The following ADCY2 variants were observed in gnomAD, a reference collection of about 807,000 sequenced individuals.
The protein encoded by ADCY2 is adenylate cyclase type 2.
A neutral mutation model predicts 125.2 loss-of-function variants in ADCY2; 31 were observed. The observed-to-expected ratio is 0.25, with a 90% CI of 0.19 to 0.33. The LOEUF (loss-of-function observed/expected upper bound fraction) is 0.33. Among genes scored for constraint, ADCY2 ranks in the 10% least tolerant of loss-of-function variants. The probability of loss-of-function intolerance (pLI) is 1.00; values close to 1 mark genes in which losing one functional copy is unlikely to be tolerated. For synonymous variants in ADCY2, 512 were observed against 548.4 expected (o/e 0.93, Z 0.93); for missense variants, 904 against 1,418.2 (o/e 0.64, Z 5.82).
At position 7,809,143 on chromosome 5, in the gene ADCY2, T is replaced by A. The variant is rs903797014; in HGVS notation, c.2883+4451T>A. 5.9e-5 allele frequency among the ~76,000 whole-genome samples: 9 copies of A among 152,250 alleles called. 1 individual carries two copies. The South Asian group carries it at 1.9e-3, about 31-fold the overall frequency. On this transcript the variant is annotated intron_variant, in intron 22 of 24. Coordinates refer to ENST00000338316, the MANE Select transcript of ADCY2 (RefSeq NM_020546.3). ...AACAGTAATAATAATATAGTTGTGG[T>A]TTGTACCGTGTTTTGCATATTGGTA...
At chr5:7,703,507 T>C (rs1376403037) in intron 7 of ADCY2, among the ~76,000 whole-genome samples, 3 of 152,188 alleles carry the variant, frequency 2.0e-5, no homozygotes, top group Non-Finnish European at 2.9e-5. Flanking sequence ...CTTGTTTTTG[T>C]CAGGTTTGTC....
chr5:7,396,586 T>C lies in ADCY2; in HGVS notation c.210+80T>C. 2 of 1,264,202 alleles carry C rather than the reference T, an allele frequency of 1.6e-6. No individual in the cohort carries two copies. Among genetic ancestry groups the C allele is most frequent in the Non-Finnish European group, 2.1e-6 (2 of 971,212 alleles). The allele number at this position is 1,264,202 out of a possible 1,614,324, so 78.3% of individuals were successfully genotyped here. On this transcript the variant is annotated intron_variant, in intron 1 of 24. Coordinates refer to ENST00000338316, the MANE Select transcript of ADCY2 (RefSeq NM_020546.3). The surrounding 1 kb of genome is among the most constrained non-coding windows in gnomAD (Gnocchi z 5.7). ...CCCGGCCAGCCGAGCCGCGTCCCGC[T>C]CCGGGCTGCCCCTCGGCCCGCGGCA...
intron 3 of ADCY2, among the ~76,000 whole-genome samples, chr5:7,563,366 G>GCTGATCATA (rs1372408787): frequency 6.6e-6 from 1 of 152,192 alleles, no homozygotes; most frequent in Non-Finnish European, 1.5e-5. Flanking sequence ...AAAGAAAGCT[G>GCTGATCATA]CTGATCATAC....
intron 2 of ADCY2, among the ~76,000 whole-genome samples, chr5:7,455,807 ATAAT>A (rs1741649275): frequency 6.2e-5 from 9 of 145,434 alleles, no homozygotes; most frequent in African/African-American, 2.2e-4. Context: ...TCTTATTATT[ATAAT>A]ATATTTAATT....
At chr5:7,631,400 C>T (rs1738305340) in intron 4 of ADCY2, among the ~76,000 whole-genome samples, 1 of 152,122 alleles carries the variant, frequency 6.6e-6, no homozygotes, top group South Asian at 2.1e-4. Flanking sequence ...CCATTTAAAC[C>T]GAATAAAGAA....
intron 4 of ADCY2, among the ~76,000 whole-genome samples, chr5:7,646,105 G>GA (rs1271063278): frequency 8.6e-5 from 13 of 151,736 alleles, no homozygotes; most frequent in Non-Finnish European, 2.9e-5. Context: ...AAACAAAAGA[G>GA]AAAAAATGTT....
chr5:7,544,877 C>T (rs554195616), intron 3 of ADCY2, among the ~76,000 whole-genome samples: 2 of 152,292 alleles, frequency 1.3e-5, no homozygotes, highest in East Asian at 1.9e-4. Context: ...ACCTGGCTGT[C>T]CCCACCCGAC....
At chr5:7,584,877 G>A (rs1388269259) in intron 3 of ADCY2, among the ~76,000 whole-genome samples, 1 of 152,098 alleles carries the variant, frequency 6.6e-6, no homozygotes. Context: ...CTCTCTAAAA[G>A]TCTCTACACA....
chr5:7,758,887 A>G (rs1250201514), intron 16 of ADCY2, among the ~76,000 whole-genome samples: 2 of 152,204 alleles, frequency 1.3e-5, no homozygotes, highest in Non-Finnish European at 2.9e-5. Flanking sequence ...CGAAGTAGAG[A>G]AAAACAAGGC....
chr5:7,770,204 T>A (rs1743513290), intron 17 of ADCY2, among the ~76,000 whole-genome samples: 1 of 152,310 alleles, frequency 6.6e-6, no homozygotes, highest in Admixed American at 6.5e-5. Flanking sequence ...AAAATAAAAA[T>A]TTTAAAGCCT....
chr5:7,823,761 T>C (rs1745375771), intron 24 of ADCY2, among the ~76,000 whole-genome samples: 1 of 152,142 alleles, frequency 6.6e-6, no homozygotes, highest in Admixed American at 6.5e-5. Context: ...TCAAAAGCAA[T>C]TTGAGTGAGG....
intron 2 of ADCY2, among the ~76,000 whole-genome samples, chr5:7,470,636 G>GTGTGTA (rs55885821): frequency 9.1e-5 from 4 of 44,162 alleles, no homozygotes; most frequent in African/African-American, 5.5e-4. Flanking sequence ...CTGTATATAT[G>GTGTGTA]TGTGTGTGTG....
At chr5:7,507,395 C>T (rs1333985740) in intron 2 of ADCY2, among the ~76,000 whole-genome samples, 4 of 116,994 alleles carry the variant, frequency 3.4e-5, no homozygotes. Context: ...GAGCCGAGAT[C>T]ATACCACTGC....
chr5:7,781,947 A>G (rs1047032382), intron 18 of ADCY2, among the ~76,000 whole-genome samples: 1 of 152,216 alleles, frequency 6.6e-6, no homozygotes. Context: ...ACAAGAGAGA[A>G]GTCCTTCAGT....
chr5:7,736,485 T>A (rs2126418615), intron 14 of ADCY2, among the ~76,000 whole-genome samples: 1 of 152,320 alleles, frequency 6.6e-6, no homozygotes, highest in East Asian at 1.9e-4. Context: ...TTAGTAACAC[T>A]CTATTCCTTT....
chr5:7,720,665 T>C (rs185481681), intron 12 of ADCY2, among the ~76,000 whole-genome samples: 4 of 152,248 alleles, frequency 2.6e-5, no homozygotes, highest in Non-Finnish European at 4.4e-5. Context: ...TCTGTCCTTG[T>C]GATAGTTTGC....
chr5:7,706,481 G>C (rs753806814), intron 7 of ADCY2, among the ~76,000 whole-genome samples: 2 of 152,210 alleles, frequency 1.3e-5, no homozygotes, highest in Non-Finnish European at 2.9e-5. Flanking sequence ...CATTGCAGAA[G>C]TAAAAGTTAT....
At chr5:7,722,983 A>T (rs1409455770) in intron 12 of ADCY2, among the ~76,000 whole-genome samples, 2 of 147,762 alleles carry the variant, frequency 1.4e-5, no homozygotes, top group East Asian at 3.9e-4. Flanking sequence ...AAAAAAAAAA[A>T]AAAGCATGTC....
chr5:7,761,761 G>C (rs1743224268), intron 16 of ADCY2, among the ~76,000 whole-genome samples: 1 of 152,138 alleles, frequency 6.6e-6, no homozygotes, highest in Non-Finnish European at 1.5e-5. Flanking sequence ...ATTTTGTATA[G>C]CATAATTAGT....
Sources: gnomAD v4.1 joint callset for allele counts (sites outside exome capture counted in the v4.1 genomes callset) on GRCh38, gnomAD v4.1.1 for gene constraint, Gnocchi (gnomAD v3.1) non-coding constraint, MANE v1.5 for transcripts, NCBI Gene and HGNC (gene_info 2026-07-23, HGNC 2026-07-21) for gene names.